CDH18: variants seen among roughly 807,000 people sequenced by gnomAD.
CDH18 encodes cadherin 18.
In CDH18, 31 loss-of-function variants were observed where a neutral mutation model predicts 67.9. The observed-to-expected ratio is 0.46, with a 90% CI of 0.34 to 0.62. The LOEUF is 0.62. Ranked by LOEUF, CDH18 falls within the 20% of genes least tolerant of loss-of-function variation. CDH18 has a pLI of 0.01. For synonymous variants in CDH18, 362 were observed against 347.2 expected (o/e 1.04, Z -0.48); for missense variants, 890 against 975.5 (o/e 0.91, Z 1.17).
intron 1 of CDH18, among the ~76,000 whole-genome samples, chr5:20,493,949 CA>C (rs879513015): frequency 7.5e-5 from 11 of 145,800 alleles, no homozygotes; most frequent in South Asian, 2.2e-4. Flanking sequence ...ACAAAAACAG[CA>C]AAAAAAAAAC....
intron 5 of CDH18, among the ~76,000 whole-genome samples, chr5:19,686,653 C>A (rs1037397972): frequency 1.8e-4 from 27 of 152,036 alleles, no homozygotes; most frequent in African/African-American, 5.8e-4. Context: ...AATTTTGTGG[C>A]AAATGTGTTT....
chr5:20,139,094 C>T (rs201895160), intron 2 of CDH18, among the ~76,000 whole-genome samples: 1 of 152,262 alleles, frequency 6.6e-6, no homozygotes, highest in South Asian at 2.1e-4. Flanking sequence ...ACCAAAACAG[C>T]ATGACACTGG....
At chr5:20,186,461 C>CA (rs902359551) in intron 2 of CDH18, among the ~76,000 whole-genome samples, 1 of 151,534 alleles carries the variant, frequency 6.6e-6, no homozygotes, top group Admixed American at 6.6e-5. Context: ...AGAACAACAA[C>CA]AAAAAATGAA....
At chr5:19,799,396 A>G (rs1777197602) in intron 3 of CDH18, among the ~76,000 whole-genome samples, 1 of 151,586 alleles carries the variant, frequency 6.6e-6, no homozygotes, top group Non-Finnish European at 1.5e-5. Context: ...GTTCACCTTA[A>G]AACATGTTAA....
chr5:20,214,386 G>A (rs953680404), intron 2 of CDH18, among the ~76,000 whole-genome samples: 1 of 151,988 alleles, frequency 6.6e-6, no homozygotes, highest in Admixed American at 6.6e-5. Context: ...TACCAAGGCA[G>A]TCCTACGCAA....
chr5:20,373,613 A>T (rs1165834270), intron 1 of CDH18, among the ~76,000 whole-genome samples: 2 of 151,842 alleles, frequency 1.3e-5, no homozygotes, highest in African/African-American at 4.8e-5. Context: ...GCATTAAAGA[A>T]TTAATTGTAG....
At chr5:19,770,310 G>A (rs1773585312) in intron 3 of CDH18, among the ~76,000 whole-genome samples, 1 of 151,196 alleles carries the variant, frequency 6.6e-6, no homozygotes, top group Non-Finnish European at 1.5e-5. Flanking sequence ...TTGTCAAACA[G>A]TTTGAAAAAA....
chr5:19,999,495 G>A (rs971677617), intron 2 of CDH18, among the ~76,000 whole-genome samples: 3 of 152,100 alleles, frequency 2.0e-5, no homozygotes, highest in Non-Finnish European at 4.4e-5. Context: ...CCAGCTACTC[G>A]GGAGGCTGAG....
intron 1 of CDH18, among the ~76,000 whole-genome samples, chr5:20,519,147 C>A (rs745738336): frequency 5.9e-5 from 9 of 152,116 alleles, no homozygotes; most frequent in Non-Finnish European, 1.3e-4. Context: ...CCATATTATT[C>A]CAAAACTTTC....
intron 2 of CDH18, among the ~76,000 whole-genome samples, chr5:19,940,613 G>C (rs556846435): frequency 6.6e-6 from 1 of 151,972 alleles, no homozygotes; most frequent in East Asian, 1.9e-4. Context: ...GAAGACCTTT[G>C]TTGAAATTTT....
intron 7 of CDH18, among the ~76,000 whole-genome samples, chr5:19,585,807 T>A (rs1050848577): frequency 6.6e-6 from 1 of 152,194 alleles, no homozygotes; most frequent in Non-Finnish European, 1.5e-5. Flanking sequence ...TCCTCCCATA[T>A]TTTTGCTTCC....
chr5:19,812,602 A>G, intron 3 of CDH18, among the ~76,000 whole-genome samples: 1 of 152,176 alleles, frequency 6.6e-6, no homozygotes. Flanking sequence ...AAAGAACAAC[A>G]AACAAAACAA....
intron 2 of CDH18, among the ~76,000 whole-genome samples, chr5:19,919,270 A>T (rs947923951): frequency 6.6e-6 from 1 of 150,948 alleles, no homozygotes; most frequent in Non-Finnish European, 1.5e-5. Context: ...ATGATATTAT[A>T]ATCCTTATTA....
In CDH18 at chr5:19,704,952, T is replaced by C. The variant is rs190706794; in HGVS notation, c.643+16395A>G. 1.8e-4 allele frequency among the ~76,000 whole-genome samples: 27 copies of C among 152,330 alleles called. 1 individual carries two copies. In the East Asian group the frequency reaches 3.9e-3, roughly 22 times the overall value. ...AGACATAGATTTAAAAGACTGTTTC[T>C]TTACTATTCCCTTAGCTGAGCAGGA... On this transcript the variant is annotated intron_variant, in intron 5 of 12. Transcript: ENST00000382275.
intron 2 of CDH18, among the ~76,000 whole-genome samples, chr5:19,966,121 T>G (rs920365090): frequency 6.6e-6 from 1 of 152,154 alleles, no homozygotes; most frequent in African/African-American, 2.4e-5. Context: ...ATAATTTGTT[T>G]AAAAGATTGA....
At chr5:19,559,443 A>G (rs1279763679) in intron 8 of CDH18, among the ~76,000 whole-genome samples, 1 of 152,098 alleles carries the variant, frequency 6.6e-6, no homozygotes, top group Non-Finnish European at 1.5e-5. Flanking sequence ...ATCTCAATAG[A>G]TGCAGTAAAA....
At chr5:20,390,026 A>C (rs1744700792) in intron 1 of CDH18, among the ~76,000 whole-genome samples, 1 of 152,234 alleles carries the variant, frequency 6.6e-6, no homozygotes, top group African/African-American at 2.4e-5. Flanking sequence ...ATCTAAAACC[A>C]TAAAAACCCT....
chr5:19,829,816 AT>A (rs1780818971), intron 3 of CDH18, among the ~76,000 whole-genome samples: 1 of 152,214 alleles, frequency 6.6e-6, no homozygotes, highest in Non-Finnish European at 1.5e-5. Context: ...CCAAAACAAC[AT>A]GGTACAAGTA....
chr5:20,192,722 G>A (rs886188589), intron 2 of CDH18, among the ~76,000 whole-genome samples: 2 of 151,954 alleles, frequency 1.3e-5, no homozygotes, highest in African/African-American at 2.4e-5. Context: ...GTCTGTTTTG[G>A]TACCAGCACC....
Sources: allele counts gnomAD v4.1 joint callset (sites outside exome capture counted in the v4.1 genomes callset), GRCh38; gene constraint gnomAD v4.1.1; transcripts MANE v1.5; gene names NCBI Gene and HGNC (gene_info 2026-07-23, HGNC 2026-07-21).